TLR3: variants seen among roughly 807,000 people sequenced by gnomAD.
TLR3 encodes the protein toll-like receptor 3.
In TLR3, 43 loss-of-function variants were observed where a neutral mutation model predicts 66.4. The ratio of observed to expected loss-of-function variants is 0.65; its 90% CI spans 0.51 to 0.83. TLR3 has a LOEUF of 0.83. Among genes scored for constraint, TLR3 ranks in the 40% least tolerant of loss-of-function variants. TLR3 has a pLI of 0.00. For synonymous variants in TLR3, 397 were observed against 397.2 expected (o/e 1.00, Z 0.01); for missense variants, 982 against 1,044.6 (o/e 0.94, Z 0.83).
Position 186,085,125 on chromosome 4 carries a change from A to G in TLR3, c.*252A>G, listed in dbSNP as rs1048180592. 1.6e-5 allele frequency: 8 copies of G among 489,522 alleles called. No homozygotes were observed. The highest frequency in any genetic ancestry group is 1.2e-4 in the African/African-American group (6 of 51,712). 30.3% of individuals were successfully genotyped at this position (489,522 alleles called of 1,614,324 possible). A position where few individuals can be genotyped will look rare whatever the true frequency, so the allele number is the denominator to read the frequency against. ...AACATTGTCTACTGATTAATATACA[A>G]TCAGCCACTGAGCCTATGACAGCTT... is the stretch of plus-strand genomic sequence containing the variant. On this transcript the variant is annotated 3_prime_UTR_variant, in exon 5 of 5. Transcript: ENST00000296795.
In TLR3 at chr4:186,078,959, A is replaced by G; in HGVS notation, c.561A>G (p.Lys187=). 2.5e-6 allele frequency: 4 copies of G among 1,613,820 alleles called. No individual in the cohort carries two copies. The highest frequency in any genetic ancestry group is 3.4e-6 in the Non-Finnish European group (4 of 1,179,940). Residue 187 remains lysine, a synonymous_variant, in exon 3 of 5, where the codon AAA becomes AAG. Coordinates refer to ENST00000296795, the MANE Select transcript of TLR3 (RefSeq NM_003265.3). ...CAAACAATAAAATTCAAGCGCTAAA[A>G]AGTGAAGAACTGGATATCTTTGCCA... The part of the protein sequence containing the change: ...LLSNNKIQAL[K]SEELDIFANS...
chr4:186,084,781 T>C lies in TLR3; in HGVS notation c.2623T>C (p.Cys875Arg). The change falls in exon 5 of 5, where the codon TGC becomes CGC. Residue 875 changes from cysteine to arginine, a missense_variant. Physicochemically the swap from Cys to Arg is radical, Grantham distance 180 (BLOSUM62 -3). Transcript: ENST00000296795. The stretch of plus-strand genomic sequence containing the variant: ...GCGAAGAGGAATGTTTAAATCTCAC[T>C]GCATCTTGAACTGGCCAGTTCAGAA... ...CLRRGMFKSH[C>R]ILNWPVQKER... 1 of 1,614,144 alleles carries C rather than the reference T, an allele frequency of 6.2e-7. No homozygotes were observed. The highest frequency in any genetic ancestry group is 8.5e-7 in the Non-Finnish European group (1 of 1,180,016).
In TLR3 at chr4:186,082,970, T is replaced by C; in HGVS notation, c.1284T>C (p.Ser428=). ...CAAAAATAGAGAGTGATGCTTTCTC[T>C]TGGTTGGGCCACCTAGAAGTACTTG... ...KISKIESDAF[S]WLGHLEVLDL... The change falls in exon 4 of 5, where the codon TCT becomes TCC. Residue 428 remains serine (S), a synonymous_variant. Transcript: ENST00000296795. The C allele has an allele frequency of 6.2e-7, 1 of 1,614,210 alleles. No homozygotes were observed. Among genetic ancestry groups the C allele is most frequent in the Admixed American group, 1.7e-5 (1 of 60,024 alleles).
Position 186,072,221 on chromosome 4 carries a change from C to T in TLR3, c.-8+2973C>T, listed in dbSNP as rs1243885558. 6.6e-5 allele frequency among the ~76,000 whole-genome samples: 10 copies of T among 152,332 alleles called. No homozygotes were observed. In the East Asian group the frequency reaches 1.9e-3, roughly 29 times the overall value. ...AGCCTCAAGGAGCTTTCACCCACCA[C>T]AGAAGGCAAAGCCAGAGCTGGCACC... is the stretch of plus-strand genomic sequence containing the variant. On this transcript the variant is annotated intron_variant, in intron 1 of 4. Coordinates refer to ENST00000296795, the MANE Select transcript of TLR3 (RefSeq NM_003265.3).
In TLR3 at chr4:186,083,225, A is replaced by C; in HGVS notation, c.1539A>C (p.Leu513=). Residue 513 remains leucine, a synonymous_variant, in exon 4 of 5, where the codon CTA becomes CTC. Transcript: ENST00000296795. This position sits in a 1 kb window ranked among gnomAD's most constrained non-coding sequence, Gnocchi z 4.0. Reference sequence around the variant, plus strand: ...TTCGTAACTTGACCATTCTGGATCTAAGCAACAACAACATAGCCAACATAA... The same window carrying C: ...TTCGTAACTTGACCATTCTGGATCTCAGCAACAACAACATAGCCAACATAA... ...QPLRNLTILD[L]SNNNIANIND... The C allele has an allele frequency of 6.2e-7, 1 of 1,614,220 alleles. No individual in the cohort carries two copies.
At position 186,083,311 on chromosome 4, in the gene TLR3, T is replaced by G. The variant is rs2099303840; in HGVS notation, c.1625T>G (p.Leu542Ter). ...LEILDLQHNN[L>*]ARLWKHANPG... ...ATTCTCGATTTGCAGCATAACAACT[T>G]AGCACGGCTCTGGAAACACGCAAAC... Residue 542 changes from leucine (L) to a stop codon, truncating the protein, a stop_gained, in exon 4 of 5, where the codon TTA becomes TGA. Transcript: ENST00000296795. LOFTEE classifies it high-confidence loss of function. This position sits in a 1 kb window ranked among gnomAD's most constrained non-coding sequence, Gnocchi z 4.0. 1 of 1,614,116 alleles carries G rather than the reference T, an allele frequency of 6.2e-7. No individual in the cohort carries two copies. The highest frequency in any genetic ancestry group is 1.1e-5 in the South Asian group (1 of 91,078).
At chr4:186,069,764 G>A (rs1244755561) in intron 1 of TLR3, among the ~76,000 whole-genome samples, 1 of 152,190 alleles carries the variant, frequency 6.6e-6, no homozygotes, top group Non-Finnish European at 1.5e-5. Flanking sequence ...TTCACCTAAT[G>A]AAGGATAATG....
At chr4:186,073,971 G>A (rs371302552) in intron 1 of TLR3, among the ~76,000 whole-genome samples, 39 of 152,268 alleles carry the variant, frequency 2.6e-4, no homozygotes, top group East Asian at 9.6e-4. Flanking sequence ...GTTAAATATC[G>A]TTAGTCGGCA....
intron 1 of TLR3, among the ~76,000 whole-genome samples, chr4:186,074,967 G>C (rs2099302203): frequency 1.3e-5 from 2 of 151,930 alleles, no homozygotes; most frequent in Non-Finnish European, 2.9e-5. Flanking sequence ...CATCTCTTAT[G>C]ACAACAGTGC....
chr4:186,077,073 T>C lies in TLR3; in HGVS notation c.441+13T>C. ...TGTCAAGCAGAAGGTAAGTTGAAAA[T>C]GTCTATTGTTACTAATGTTTTTAAG... On this transcript the variant is annotated intron_variant, in intron 2 of 4. Transcript: ENST00000296795. 6.2e-7 allele frequency: 1 copy of C among 1,610,212 alleles called. No individual in the cohort carries two copies. Among genetic ancestry groups the C allele is most frequent in the South Asian group, 1.1e-5 (1 of 90,576 alleles).
In TLR3 at chr4:186,083,855, C is replaced by A; in HGVS notation, c.2169C>A (p.Ile723=). The change falls in exon 4 of 5, where the codon ATC becomes ATA. Residue 723 remains isoleucine (I), a synonymous_variant. Coordinates refer to ENST00000296795, the MANE Select transcript of TLR3 (RefSeq NM_003265.3). The surrounding 1 kb of genome is among the most constrained non-coding windows in gnomAD (Gnocchi z 4.0). ...LLIFIFIVLL[I]HFEGWRISFY... The stretch of plus-strand genomic sequence containing the variant: ...TTTTTATCTTTATTGTACTTCTCAT[C>A]CACTTTGAGGGCTGGAGGATATCTT... The A allele has an allele frequency of 6.2e-7, 1 of 1,614,132 alleles. No individual in the cohort carries two copies. The highest frequency in any genetic ancestry group is 8.5e-7 in the Non-Finnish European group (1 of 1,180,040).
At position 186,083,016 on chromosome 4, in the gene TLR3, G is replaced by T. The variant is rs2099303800; in HGVS notation, c.1330G>T (p.Gly444Trp). 4.3e-6 allele frequency: 7 copies of T among 1,614,092 alleles called. No individual in the cohort carries two copies. Among genetic ancestry groups the T allele is most frequent in the African/African-American group, 1.3e-5 (1 of 75,030 alleles). The change falls in exon 4 of 5, where the codon GGG becomes TGG. Residue 444 changes from glycine to tryptophan, a missense_variant. Around this residue, in one of 3 missense-constraint regions of TLR3, gnomAD observed 666 missense variants for 709.0 expected, o/e 0.94. Transcript: ENST00000296795. The surrounding 1 kb of genome is among the most constrained non-coding windows in gnomAD (Gnocchi z 4.0). ...EVLDLGLNEI[G>W]QELTGQEWRG... Reference sequence around the variant, plus strand: ...ACTTGACCTGGGCCTTAATGAAATTGGGCAAGAACTCACAGGCCAGGAATG... The same window carrying T: ...ACTTGACCTGGGCCTTAATGAAATTTGGCAAGAACTCACAGGCCAGGAATG...
chr4:186,072,356 G>A (rs1316903901), intron 1 of TLR3, among the ~76,000 whole-genome samples: 1 of 152,186 alleles, frequency 6.6e-6, no homozygotes, highest in Non-Finnish European at 1.5e-5. Flanking sequence ...TTGTCACCCA[G>A]GCTGGAGTGC....
intron 1 of TLR3, among the ~76,000 whole-genome samples, chr4:186,072,334 C>T (rs1237628574): frequency 2.0e-5 from 3 of 151,966 alleles, no homozygotes; most frequent in South Asian, 2.1e-4. Flanking sequence ...GGAGTGGGGG[C>T]GAAGTCTCAC....
At chr4:186,070,724 G>C (rs957584495) in intron 1 of TLR3, among the ~76,000 whole-genome samples, 1 of 152,066 alleles carries the variant, frequency 6.6e-6, no homozygotes, top group Non-Finnish European at 1.5e-5. Flanking sequence ...GTTTTTTAGA[G>C]GTAAGGTCTT....
rs3775291 is a variant in TLR3 at position 186,082,920 on chromosome 4, C to T, written c.1234C>T (p.Leu412Phe). 457,937 of 1,613,766 alleles carry T rather than the reference C, an allele frequency of 0.28. 67,672 individuals are homozygous for T. Among genetic ancestry groups the T allele is most frequent in the Admixed American group, 0.3 (18,124 of 59,986 alleles). Reference protein sequence around the residue: ...VSLAHSPLHILNLTKNKISKI... With the variant: ...VSLAHSPLHIFNLTKNKISKI... ...ACTTGCTCATTCTCCCTTACACATA[C>T]TCAACCTAACCAAGAATAAAATCTC... Residue 412 changes from leucine to phenylalanine, a missense_variant, in exon 4 of 5, where the codon CTC (leucine) becomes TTC (phenylalanine). Transcript: ENST00000296795.
In TLR3 at chr4:186,082,970, T is replaced by G. The variant is rs148445556; in HGVS notation, c.1284T>G (p.Ser428=). 1.3e-4 allele frequency: 212 copies of G among 1,614,210 alleles called. 1 individual carries two copies. The African/African-American group carries it at 2.5e-3, about 19-fold the overall frequency. ...KISKIESDAF[S]WLGHLEVLDL... ...CAAAAATAGAGAGTGATGCTTTCTC[T>G]TGGTTGGGCCACCTAGAAGTACTTG... The change falls in exon 4 of 5, where the codon TCT becomes TCG. Residue 428 remains serine (S), a synonymous_variant. Coordinates refer to ENST00000296795, the MANE Select transcript of TLR3 (RefSeq NM_003265.3).
chr4:186,087,960 A>T lies in TLR3; in HGVS notation c.*3087A>T, dbSNP rs2099304642. 1 of 152,216 alleles carries T rather than the reference A, an allele frequency of 6.6e-6. No individual in the cohort carries two copies. The highest frequency in any genetic ancestry group is 1.5e-5 in the Non-Finnish European group (1 of 68,044). 9.4% of individuals were successfully genotyped at this position (152,216 alleles called of 1,614,324 possible). ...AATTGGGTTATGGTAATAATTGTAC[A>T]ACTATGTAAATTTACTGAAAGTCAT... On this transcript the variant is annotated 3_prime_UTR_variant, in exon 5 of 5. Coordinates refer to ENST00000296795, the MANE Select transcript of TLR3 (RefSeq NM_003265.3).
chr4:186,079,128 G>A (rs1011790541), intron 3 of TLR3, 97 bp downstream of exon 3: 3 of 1,129,806 alleles, frequency 2.7e-6, no homozygotes, highest in Non-Finnish European at 3.9e-6. Context: ...TCTAGCCTCT[G>A]CCTGTCTTCC....
Sources: allele counts gnomAD v4.1 joint callset (sites outside exome capture counted in the v4.1 genomes callset), GRCh38; gene constraint gnomAD v4.1.1; regional missense constraint gnomAD v4.1.1; non-coding constraint Gnocchi (gnomAD v3.1); transcripts MANE v1.5; gene names NCBI Gene and HGNC (gene_info 2026-07-23, HGNC 2026-07-21).